PLEKHA1: variants seen among roughly 807,000 people sequenced by gnomAD.
The protein encoded by PLEKHA1 is pleckstrin homology domain-containing family A member 1.
A neutral mutation model predicts 52.0 loss-of-function variants in PLEKHA1; 34 were observed. That is an observed-to-expected ratio of 0.65 (90% confidence interval 0.50 to 0.87). The LOEUF is 0.87. PLEKHA1 is among the 40% of genes least tolerant of loss of function. The pLI, the probability that PLEKHA1 is intolerant of heterozygous loss-of-function variation, is 0.00. For missense variants in PLEKHA1, 497 were observed against 504.2 expected (o/e 0.99, Z 0.14); for synonymous variants, 163 against 170.7 (o/e 0.95, Z 0.35).
intron 9 of PLEKHA1, among the ~76,000 whole-genome samples, chr10:122,424,613 A>G (rs534277166): frequency 1.7e-3 from 263 of 152,322 alleles, no homozygotes; most frequent in Non-Finnish European, 3.3e-3. Context: ...ATGCAGTAGA[A>G]TAGAGCTTCA....
rs1035229661 is a variant in PLEKHA1 at position 122,393,673 on chromosome 10, A to C, written c.141+332A>C. Among the ~76,000 whole-genome samples the C allele has an allele frequency of 3.3e-5, 5 of 152,242 alleles. No individual in the cohort carries two copies. Among genetic ancestry groups the C allele is most frequent in the Non-Finnish European group, 7.3e-5 (5 of 68,048 alleles). On this transcript the variant is annotated intron_variant, in intron 2 of 11. Coordinates refer to ENST00000368990, the MANE Select transcript of PLEKHA1 (RefSeq NM_001001974.4). The surrounding 1 kb of genome is among the most constrained non-coding windows in gnomAD (Gnocchi z 4.5). ...ATTGAAGCTGTCCCAAAAATAAGAA[A>C]TACTTTTTTTGTAACATGTATTTCA...
chr10:122,436,922 G>T (rs962355881), downstream of PLEKHA1: 11 of 150,188 alleles, frequency 7.3e-5, no homozygotes, highest in African/African-American at 2.7e-4. Context: ...TACCTCTAAT[G>T]CACGTTTTCT....
chr10:122,428,403 T>C, intron 11 of PLEKHA1: 1 of 1,497,470 alleles, frequency 6.7e-7, no homozygotes. Flanking sequence ...ACTTACTACT[T>C]ACAACTGATC....
chr10:122,421,870 G>C (rs1281186440), intron 8 of PLEKHA1: 2 of 84,022 alleles, frequency 2.4e-5, no homozygotes, highest in Non-Finnish European at 4.4e-5. Context: ...CTGCCCAAAA[G>C]CAACTGTAAA....
intron 1 of PLEKHA1, among the ~76,000 whole-genome samples, chr10:122,384,783 GTC>G (rs1479841237): frequency 6.6e-6 from 1 of 151,914 alleles, no homozygotes; most frequent in African/African-American, 2.4e-5. Context: ...GTGAAACCCT[GTC>G]TCTACTGAAA....
intron 3 of PLEKHA1, 42 bp downstream of exon 3, chr10:122,398,016 C>A (rs904852574): frequency 1.3e-6 from 2 of 1,492,110 alleles, no homozygotes; most frequent in African/African-American, 2.8e-5. Context: ...GAATTAAAAT[C>A]CCTGTGAATG....
At chr10:122,386,032 G>C (rs2096691050) in intron 1 of PLEKHA1, among the ~76,000 whole-genome samples, 1 of 152,158 alleles carries the variant, frequency 6.6e-6, no homozygotes, top group Non-Finnish European at 1.5e-5. Context: ...GTTCGCTAAG[G>C]ATCTGTTTAA....
At chr10:122,380,234 A>G (rs1204359183) in intron 1 of PLEKHA1, among the ~76,000 whole-genome samples, 1 of 152,232 alleles carries the variant, frequency 6.6e-6, no homozygotes. Flanking sequence ...CCGTCGTTCA[A>G]CAAATAGTTA....
chr10:122,432,608 A>G (rs951109361), downstream of PLEKHA1: 1 of 152,214 alleles, frequency 6.6e-6, no homozygotes, highest in Admixed American at 6.5e-5. Context: ...CATGTTCTCA[A>G]AAGCAGAATT....
At chr10:122,427,706 T>C (rs2097360065) in intron 11 of PLEKHA1, among the ~76,000 whole-genome samples, 1 of 152,204 alleles carries the variant, frequency 6.6e-6, no homozygotes, top group Admixed American at 6.5e-5. Context: ...TGTGTTCAAG[T>C]ACATAAGAAT....
At chr10:122,438,739 C>A in the PLEKHA1 span, 3 of 152,190 alleles carry the variant, frequency 2.0e-5, no homozygotes, top group African/African-American at 7.2e-5. Context: ...TGTCACGCTC[C>A]TGACTTCAGT....
chr10:122,441,779 A>G, the PLEKHA1 span: 1 of 152,236 alleles, frequency 6.6e-6, no homozygotes, highest in African/African-American at 2.4e-5. Context: ...GGTGGTTACC[A>G]CATATAAACA....
intron 8 of PLEKHA1, chr10:122,421,639 T>G (rs959402368): frequency 1.3e-5 from 2 of 151,684 alleles, no homozygotes; most frequent in African/African-American, 4.8e-5. Flanking sequence ...TTTCAAAGAT[T>G]AAAAAAAGAG....
At chr10:122,396,569 T>C (rs1224054312) in intron 2 of PLEKHA1, among the ~76,000 whole-genome samples, 1 of 151,920 alleles carries the variant, frequency 6.6e-6, no homozygotes, top group Non-Finnish European at 1.5e-5. Flanking sequence ...CTGTCAACAA[T>C]AAGCAGTTCA....
At chr10:122,402,144 T>C (rs774133237) in intron 4 of PLEKHA1, among the ~76,000 whole-genome samples, 9 of 152,226 alleles carry the variant, frequency 5.9e-5, no homozygotes, top group Non-Finnish European at 8.8e-5. Context: ...CCCTTTTTTT[T>C]CTAAAATCTC....
At chr10:122,442,302 C>T in the PLEKHA1 span, 2 of 151,800 alleles carry the variant, frequency 1.3e-5, no homozygotes, top group South Asian at 2.1e-4. Context: ...AAGCCTTCCT[C>T]AAGACAAGAA....
At chr10:122,387,636 G>C (rs1281733448) in intron 1 of PLEKHA1, 2 of 152,194 alleles carry the variant, frequency 1.3e-5, no homozygotes, top group Non-Finnish European at 2.9e-5. Context: ...GCTCCATCTT[G>C]GGGGTCTCTC....
intron 7 of PLEKHA1, 28 bp downstream of exon 7, chr10:122,416,030 T>C (rs1455265028): frequency 1.3e-6 from 2 of 1,570,564 alleles, no homozygotes; most frequent in Admixed American, 1.9e-5. Context: ...ATACATGAAA[T>C]AATGAAAAAG....
chr10:122,429,553 CA>C, intron 11 of PLEKHA1, 70 bp from the exon 12 acceptor site: 2 of 1,328,110 alleles, frequency 1.5e-6, no homozygotes, highest in Non-Finnish European at 2.1e-6. Flanking sequence ...TTCAGAGAAT[CA>C]AGTCTCACAC....
Sources: gnomAD v4.1 joint callset for allele counts (sites outside exome capture counted in the v4.1 genomes callset) on GRCh38, gnomAD v4.1.1 for gene constraint, Gnocchi (gnomAD v3.1) non-coding constraint, MANE v1.5 for transcripts, NCBI Gene and HGNC (gene_info 2026-07-23, HGNC 2026-07-21) for gene names.